DYNC2I1: variants seen among roughly 807,000 people sequenced by gnomAD.
The protein encoded by DYNC2I1 is dynein 2 intermediate chain 1.
Under a neutral mutation model 133.4 loss-of-function variants are expected in DYNC2I1, and 89 were observed. The observed-to-expected ratio is 0.67, with a 90% CI of 0.56 to 0.80. DYNC2I1 has a LOEUF of 0.80. Ranked by LOEUF, DYNC2I1 falls within the 30% of genes least tolerant of loss-of-function variation. DYNC2I1 has a pLI of 0.00. For synonymous variants in DYNC2I1, 504 were observed against 484.3 expected (o/e 1.04, Z -0.54); for missense variants, 1,291 against 1,314.5 (o/e 0.98, Z 0.28).
chr7:158,909,969 G>GAGCAGAGAGCAGACCCGGT (rs1308387510), intron 11 of DYNC2I1, among the ~76,000 whole-genome samples: 1 of 152,096 alleles, frequency 6.6e-6, no homozygotes, highest in Admixed American at 6.5e-5. Context: ...GGAGGAGGAG[G>GAGCAGAGAGCAGACCCGGT]AGCAGAGAGC....
At chr7:158,895,539 A>G (rs962326249) in intron 8 of DYNC2I1, among the ~76,000 whole-genome samples, 5 of 152,294 alleles carry the variant, frequency 3.3e-5, no homozygotes, top group African/African-American at 1.2e-4. Flanking sequence ...CTTGATTGCT[A>G]TAGCTTTGTA....
intron 8 of DYNC2I1, among the ~76,000 whole-genome samples, chr7:158,894,876 A>G (rs1845621337): frequency 6.6e-6 from 1 of 152,210 alleles, no homozygotes; most frequent in Non-Finnish European, 1.5e-5. Flanking sequence ...TTCTGGATAT[A>G]AAAGGATCAC....
chr7:158,864,910 A>G (rs2129476559), intron 1 of DYNC2I1, among the ~76,000 whole-genome samples: 1 of 152,400 alleles, frequency 6.6e-6, no homozygotes, highest in African/African-American at 2.4e-5. Flanking sequence ...AGGCTGGGTT[A>G]GAAAGCAAGG....
intron 8 of DYNC2I1, among the ~76,000 whole-genome samples, chr7:158,894,498 TC>T (rs1845588427): frequency 1.3e-5 from 2 of 152,194 alleles, no homozygotes; most frequent in African/African-American, 4.8e-5. Context: ...CATTTTAAGG[TC>T]CCCCTGTGTC....
chr7:158,945,529 C>T lies in DYNC2I1; in HGVS notation c.3003-52C>T, dbSNP rs115689205. ...GACATTTTGAAGACTCAGACAGAAC[C>T]GAATGTCCCTTTGTGTGCACTGACC... On this transcript the variant is annotated intron_variant, in intron 24 of 24. Transcript: ENST00000407559. The surrounding 1 kb of genome is among the most constrained non-coding windows in gnomAD (Gnocchi z 4.1). 1.9e-3 allele frequency: 2,837 copies of T among 1,531,170 alleles called. 51 individuals carry two copies. The African/African-American group carries it at 0.034, about 18-fold the overall frequency. The allele number at this position is 1,531,170 out of a possible 1,614,324, so 94.8% of individuals were successfully genotyped here.
chr7:158,887,204 G>A (rs1844694177), intron 7 of DYNC2I1, 129 bp downstream of exon 7: 4 of 894,736 alleles, frequency 4.5e-6, no homozygotes, highest in Admixed American at 2.4e-5. Flanking sequence ...TATTCGAGTG[G>A]TGATCCCAGA....
chr7:158,947,809 C>T (rs926280823), downstream of DYNC2I1, among the ~76,000 whole-genome samples: 2 of 152,254 alleles, frequency 1.3e-5, no homozygotes, highest in Non-Finnish European at 2.9e-5. Context: ...CAGCTCTCCC[C>T]AGCTGCCGTG....
upstream of DYNC2I1, among the ~76,000 whole-genome samples, chr7:158,851,978 G>A (rs80117345): frequency 0.18 from 27,997 of 152,074 alleles, 3,393 homozygotes; most frequent in East Asian, 0.52. Context: ...CCAGAATCAC[G>A]GAATTCTAAA....
At chr7:158,930,989 G>C (rs866530688) in intron 21 of DYNC2I1, among the ~76,000 whole-genome samples, 1 of 152,122 alleles carries the variant, frequency 6.6e-6, no homozygotes, top group Non-Finnish European at 1.5e-5. Flanking sequence ...TTATTAATGA[G>C]TGAATGTAAT....
intron 4 of DYNC2I1, among the ~76,000 whole-genome samples, chr7:158,954,313 CTTA>C (rs945421798): frequency 2.6e-5 from 4 of 152,190 alleles, no homozygotes; most frequent in African/African-American, 9.7e-5. Flanking sequence ...GCATCAGATA[CTTA>C]TTAAGACCAG....
the DYNC2I1 span, among the ~76,000 whole-genome samples, chr7:158,849,871 G>A: frequency 6.6e-6 from 1 of 152,246 alleles, no homozygotes; most frequent in Non-Finnish European, 1.5e-5. Context: ...GTGGCCAAGG[G>A]CAGCCCAAAA....
At chr7:158,845,028 G>C in the DYNC2I1 span, among the ~76,000 whole-genome samples, 2 of 152,064 alleles carry the variant, frequency 1.3e-5, no homozygotes, top group Non-Finnish European at 2.9e-5. Flanking sequence ...TCTCCTCTTG[G>C]CCAAGGGCAT....
upstream of DYNC2I1, among the ~76,000 whole-genome samples, chr7:158,855,326 G>A (rs1028093559): frequency 6.6e-6 from 1 of 152,166 alleles, no homozygotes; most frequent in African/African-American, 2.4e-5. Flanking sequence ...GTTCCTGGGT[G>A]AGGGGCCACA....
Position 158,906,026 on chromosome 7 carries a change from A to C in DYNC2I1, c.1395A>C (p.Gly465=), listed in dbSNP as rs1232945432. ...NSSPSRASVC[G]IFVDFASASH... ...CCCCTTCCAGAGCCTCTGTTTGTGG[A>C]ATTTTTGTGGATTTTGCCTCAGCTT... The change falls in exon 11 of 25, where the codon GGA becomes GGC. Residue 465 remains glycine, a synonymous_variant. Coordinates refer to ENST00000407559, the MANE Select transcript of DYNC2I1 (RefSeq NM_018051.5). 2 of 1,613,828 alleles carry C rather than the reference A, an allele frequency of 1.2e-6. No individual in the cohort carries two copies. Among genetic ancestry groups the C allele is most frequent in the African/African-American group, 2.7e-5 (2 of 75,004 alleles).
intron 1 of DYNC2I1, among the ~76,000 whole-genome samples, chr7:158,862,034 C>T (rs141203792): frequency 3.3e-5 from 5 of 152,256 alleles, no homozygotes; most frequent in African/African-American, 4.8e-5. Flanking sequence ...GTCCTAAAGG[C>T]GGGAGCCAGC....
At chr7:158,868,928 A>G (rs1181789369) in intron 1 of DYNC2I1, among the ~76,000 whole-genome samples, 1 of 152,172 alleles carries the variant, frequency 6.6e-6, no homozygotes, top group East Asian at 1.9e-4. Context: ...CAGATGCTAA[A>G]CTCATTTCTG....
the DYNC2I1 span, among the ~76,000 whole-genome samples, chr7:158,846,534 A>G: frequency 6.6e-6 from 1 of 152,150 alleles, no homozygotes; most frequent in African/African-American, 2.4e-5. Context: ...TTTTAAAGTT[A>G]ATTAAATTGG....
rs1416516052 is a variant in DYNC2I1, at chr7:158,922,482, A to G, written c.2027A>G (p.Tyr676Cys). The G allele has an allele frequency of 6.2e-7, 1 of 1,613,934 alleles. No homozygotes were observed. Among genetic ancestry groups the G allele is most frequent in the East Asian group, 2.2e-5 (1 of 44,874 alleles). The change falls in exon 16 of 25, where the codon TAC becomes TGC. Residue 676 changes from tyrosine (Y) to cysteine (C), a missense_variant. Coordinates refer to ENST00000407559, the MANE Select transcript of DYNC2I1 (RefSeq NM_018051.5). ...TTTGTGCCCCTGCTGGACAGCAAAT[A>G]CGTCCTCTGTGTGTGGGATATTTGG... is the stretch of plus-strand genomic sequence containing the variant. ...KSFVPLLDSK[Y>C]VLCVWDIWQP...
At chr7:158,909,330 CAAAAAAAA>C (rs66565045) in intron 11 of DYNC2I1, among the ~76,000 whole-genome samples, 3 of 46,728 alleles carry the variant, frequency 6.4e-5, no homozygotes, top group African/African-American at 1.3e-4. Context: ...GACTCTGTCT[CAAAAAAAA>C]AAAAAAAAAA....
Sources: gnomAD v4.1 joint callset for allele counts (sites outside exome capture counted in the v4.1 genomes callset) on GRCh38, gnomAD v4.1.1 for gene constraint, Gnocchi (gnomAD v3.1) non-coding constraint, MANE v1.5 for transcripts, NCBI Gene and HGNC (gene_info 2026-07-23, HGNC 2026-07-21) for gene names.